CENPP: variants seen among roughly 807,000 people sequenced by gnomAD.
The protein encoded by CENPP is centromere protein P.
A neutral mutation model predicts 35.6 loss-of-function variants in CENPP; 24 were observed. That is an observed-to-expected ratio of 0.67 (90% CI 0.49 to 0.95). CENPP has a LOEUF of 0.95. Among genes scored for constraint, CENPP ranks in the 40% least tolerant of loss-of-function variants. The pLI is 0.00. For missense variants in CENPP, 332 were observed against 345.3 expected, an observed-to-expected ratio of 0.96 and a Z score of 0.31; for synonymous variants, 120 against 125.5, an observed-to-expected ratio of 0.96 and a Z score of 0.29.
intron 5 of CENPP, among the ~76,000 whole-genome samples, chr9:92,413,118 G>A (rs182724023): frequency 6.0e-5 from 9 of 151,172 alleles, no homozygotes; most frequent in Admixed American, 2.0e-4. Context: ...GCAAGTAGCC[G>A]GGATTACAGG....
chr9:92,520,304 C>T (rs1027202668), intron 5 of CENPP, among the ~76,000 whole-genome samples: 2 of 151,788 alleles, frequency 1.3e-5, no homozygotes, highest in Non-Finnish European at 2.9e-5. Flanking sequence ...AAGAAATAGG[C>T]ATAGGGGTTG....
chr9:92,427,597 C>T (rs892573603), intron 5 of CENPP, among the ~76,000 whole-genome samples: 3 of 152,182 alleles, frequency 2.0e-5, no homozygotes, highest in East Asian at 1.9e-4. Flanking sequence ...TCTTCTGCCT[C>T]GGCCTCCCAA....
intron 5 of CENPP, chr9:92,495,359 A>T (rs891098850): frequency 5.2e-6 from 5 of 967,816 alleles, no homozygotes; most frequent in Non-Finnish European, 6.1e-6. Context: ...GGGCCAATAC[A>T]TAGTAAAGAC....
chr9:92,585,225 G>GC (rs1197930563), intron 5 of CENPP, among the ~76,000 whole-genome samples: 1 of 152,166 alleles, frequency 6.6e-6, no homozygotes, highest in Non-Finnish European at 1.5e-5. Flanking sequence ...GTTACAGAGG[G>GC]CCTTGAGTAC....
chr9:92,609,290 G>A (rs1044083803), intron 5 of CENPP, among the ~76,000 whole-genome samples: 1 of 152,244 alleles, frequency 6.6e-6, no homozygotes, highest in Non-Finnish European at 1.5e-5. Context: ...AGAGCTCAGC[G>A]ATGCAGGGGC....
intron 5 of CENPP, among the ~76,000 whole-genome samples, chr9:92,485,447 T>C (rs1363994401): frequency 1.3e-5 from 2 of 152,216 alleles, no homozygotes; most frequent in Non-Finnish European, 2.9e-5. Flanking sequence ...GTACTGACAG[T>C]TTATGAATAA....
chr9:92,499,696 C>T (rs1427765545), intron 5 of CENPP, among the ~76,000 whole-genome samples: 1 of 152,216 alleles, frequency 6.6e-6, no homozygotes, highest in Non-Finnish European at 1.5e-5. Context: ...AAACCCCCAT[C>T]TCTTCCTCCA....
chr9:92,588,507 C>T (rs1359706969), intron 5 of CENPP, among the ~76,000 whole-genome samples: 1 of 152,012 alleles, frequency 6.6e-6, no homozygotes, highest in Non-Finnish European at 1.5e-5. Context: ...CCCACCTCAG[C>T]CTCCCAAAGT....
chr9:92,533,331 ATATATATATATATAT>A (rs1848971293), intron 5 of CENPP, among the ~76,000 whole-genome samples: 4 of 79,096 alleles, frequency 5.1e-5, no homozygotes, highest in African/African-American at 1.4e-4. Context: ...AAAAAAAAAT[ATATATATATATATAT>A]ATATATATAT....
intron 4 of CENPP, among the ~76,000 whole-genome samples, chr9:92,355,360 C>T (rs1841562637): frequency 6.6e-6 from 1 of 151,952 alleles, no homozygotes; most frequent in Non-Finnish European, 1.5e-5. Context: ...ATCTCTCCTA[C>T]TTGCATGTCT....
chr9:92,529,940 A>G (rs554038089), intron 5 of CENPP, among the ~76,000 whole-genome samples: 1 of 152,326 alleles, frequency 6.6e-6, no homozygotes, highest in South Asian at 2.1e-4. Flanking sequence ...TGGCCTATGT[A>G]GCTTTTGTGC....
chr9:92,474,926 G>T, intron 5 of CENPP: 4 of 1,570,076 alleles, frequency 2.5e-6, no homozygotes, highest in Non-Finnish European at 3.4e-6. Context: ...ACCAGTCTAG[G>T]ACTAAACAGA....
chr9:92,408,160 A>C (rs1176395851), intron 5 of CENPP, among the ~76,000 whole-genome samples: 1 of 152,094 alleles, frequency 6.6e-6, no homozygotes, highest in African/African-American at 2.4e-5. Context: ...TTGGTTTAGG[A>C]GTCAAAACAC....
intron 1 of CENPP, among the ~76,000 whole-genome samples, chr9:92,329,773 T>C (rs1339441195): frequency 6.6e-6 from 1 of 152,158 alleles, no homozygotes; most frequent in Non-Finnish European, 1.5e-5. Context: ...GGTTTTACCA[T>C]GTTGGCCCGA....
At chr9:92,520,331 A>G (rs1201669381) in intron 5 of CENPP, among the ~76,000 whole-genome samples, 1 of 152,176 alleles carries the variant, frequency 6.6e-6, no homozygotes, top group Non-Finnish European at 1.5e-5. Context: ...TATTTCTCCA[A>G]GGAAGATATG....
At position 92,615,271 on chromosome 9, in the gene CENPP, C is replaced by T. The variant is rs1851397501; in HGVS notation, c.*2122C>T. The T allele has an allele frequency of 6.3e-6, 1 of 158,644 alleles. No homozygotes were observed. 9.8% of individuals were successfully genotyped at this position (158,644 alleles called of 1,614,324 possible). A position where few individuals can be genotyped will look rare whatever the true frequency, so the allele number is the denominator to read the frequency against. Reference sequence around the variant, plus strand: ...CACCTCCACAGGGACCCTGAGTCTACACTGCTCAGAATCGGCATCTGCGCG... The same window carrying T: ...CACCTCCACAGGGACCCTGAGTCTATACTGCTCAGAATCGGCATCTGCGCG... On this transcript the variant is annotated 3_prime_UTR_variant, in exon 8 of 8. Transcript: ENST00000375587.
intron 5 of CENPP, chr9:92,389,818 C>T (rs1413179702): frequency 1.1e-5 from 16 of 1,392,874 alleles, no homozygotes; most frequent in Non-Finnish European, 1.6e-5. Flanking sequence ...CATATCATCA[C>T]TCATACTATG....
intron 5 of CENPP, among the ~76,000 whole-genome samples, chr9:92,439,549 GTC>G (rs1844333871): frequency 6.6e-6 from 1 of 152,248 alleles, no homozygotes; most frequent in Non-Finnish European, 1.5e-5. Flanking sequence ...TAAGTCACCT[GTC>G]TCTCTGGAGA....
At chr9:92,386,083 C>T in intron 5 of CENPP, 1 of 725,018 alleles carries the variant, frequency 1.4e-6, no homozygotes, top group Non-Finnish European at 2.4e-6. Flanking sequence ...ATTTAGCTAT[C>T]ACGCTACTAC....
Sources: allele counts gnomAD v4.1 joint callset (sites outside exome capture counted in the v4.1 genomes callset), GRCh38; gene constraint gnomAD v4.1.1; transcripts MANE v1.5; gene names NCBI Gene and HGNC (gene_info 2026-07-23, HGNC 2026-07-21).